The following THSD7A variants were observed in gnomAD, a reference collection of about 807,000 sequenced individuals.
The protein encoded by THSD7A is thrombospondin type 1 domain containing 7A, also known as thrombospondin type-1 domain-containing protein 7A.
A neutral mutation model predicts 231.3 loss-of-function variants in THSD7A; 96 were observed. The ratio of observed to expected loss-of-function variants is 0.41; its 90% CI spans 0.35 to 0.49. THSD7A has a LOEUF of 0.49. Among genes scored for constraint, THSD7A ranks in the 20% least tolerant of loss-of-function variants. The pLI is 0.05. For missense variants in THSD7A, 2,290 were observed against 2,070.2 expected (o/e 1.11, Z -2.06); for synonymous variants, 940 against 743.3 (o/e 1.26, Z -4.30).
intron 26 of THSD7A, 185 bp downstream of exon 26, chr7:11,378,885 C>T (rs1302033982): frequency 1.6e-6 from 1 of 607,016 alleles, no homozygotes; most frequent in East Asian, 2.9e-5. Flanking sequence ...CTCTGAACTT[C>T]AAACATGAGT....
intron 1 of THSD7A, among the ~76,000 whole-genome samples, chr7:11,638,515 A>T (rs2128361927): frequency 2.0e-5 from 3 of 152,346 alleles, no homozygotes; most frequent in Middle Eastern, 6.8e-3. Context: ...GAATTTCCTT[A>T]CAAATGGCAT....
intron 6 of THSD7A, among the ~76,000 whole-genome samples, chr7:11,491,966 T>C (rs1786911716): frequency 1.3e-5 from 2 of 152,054 alleles, no homozygotes; most frequent in African/African-American, 4.8e-5. Flanking sequence ...TGAGGGGTCT[T>C]CACACTTCCA....
At chr7:11,529,927 C>T (rs547483843) in intron 6 of THSD7A, among the ~76,000 whole-genome samples, 184 of 152,282 alleles carry the variant, frequency 1.2e-3, no homozygotes, top group Non-Finnish European at 2.0e-3. Context: ...ACACTAGGAA[C>T]AATTCCTAGC....
intron 1 of THSD7A, among the ~76,000 whole-genome samples, chr7:11,789,188 A>T (rs1288281336): frequency 6.6e-6 from 1 of 151,988 alleles, no homozygotes; most frequent in Non-Finnish European, 1.5e-5. Flanking sequence ...ATTGAACAAC[A>T]TGAAGGCCAG....
intron 6 of THSD7A, among the ~76,000 whole-genome samples, chr7:11,514,566 A>G (rs965953308): frequency 6.6e-6 from 1 of 152,162 alleles, no homozygotes; most frequent in Non-Finnish European, 1.5e-5. Context: ...TTTCAATTTT[A>G]TGAGTAAATT....
At chr7:11,473,662 C>T (rs1264056095) in intron 8 of THSD7A, among the ~76,000 whole-genome samples, 5 of 152,044 alleles carry the variant, frequency 3.3e-5, no homozygotes, top group Non-Finnish European at 7.4e-5. Context: ...TTTGTTTATA[C>T]TTCTCACAAG....
chr7:11,552,489 C>G (rs1397106636), intron 4 of THSD7A, among the ~76,000 whole-genome samples: 1 of 151,836 alleles, frequency 6.6e-6, no homozygotes, highest in Non-Finnish European at 1.5e-5. Flanking sequence ...AAATTTTGAG[C>G]TACAAAAAGG....
chr7:11,533,731 G>T (rs1788799273), intron 6 of THSD7A, among the ~76,000 whole-genome samples: 1 of 152,132 alleles, frequency 6.6e-6, no homozygotes. Context: ...ACCAGGGCCT[G>T]TCGGGTGTGG....
chr7:11,799,360 T>C (rs926818989), intron 1 of THSD7A, among the ~76,000 whole-genome samples: 2 of 152,246 alleles, frequency 1.3e-5, no homozygotes, highest in Non-Finnish European at 2.9e-5. Context: ...ATGTTCTTTT[T>C]ATTTGTAATG....
intron 1 of THSD7A, among the ~76,000 whole-genome samples, chr7:11,710,014 C>A (rs1780898416): frequency 6.6e-6 from 1 of 150,798 alleles, no homozygotes; most frequent in South Asian, 2.1e-4. Flanking sequence ...GTCATTATCT[C>A]AAGAATCTTG....
chr7:11,378,115 T>C (rs1782352738), intron 26 of THSD7A: 1 of 152,190 alleles, frequency 6.6e-6, no homozygotes, highest in Admixed American at 6.5e-5. Context: ...CCAATATTTA[T>C]TCTCCAATAA....
chr7:11,726,277 G>T (rs750906832), intron 1 of THSD7A, among the ~76,000 whole-genome samples: 4 of 151,158 alleles, frequency 2.6e-5, no homozygotes, highest in Non-Finnish European at 4.4e-5. Context: ...AATAGAAAAT[G>T]AACCTTTCTA....
At chr7:11,769,145 A>ATTTT (rs1333399771) in intron 1 of THSD7A, among the ~76,000 whole-genome samples, 2 of 36,004 alleles carry the variant, frequency 5.6e-5, no homozygotes, top group African/African-American at 1.7e-4. Context: ...ATATATATAT[A>ATTTT]TATATATATT....
chr7:11,656,084 T>C (rs1028099365), intron 1 of THSD7A, among the ~76,000 whole-genome samples: 4 of 151,838 alleles, frequency 2.6e-5, no homozygotes, highest in Admixed American at 2.0e-4. Flanking sequence ...CACAAAGTTT[T>C]CCCCTCAGGA....
At chr7:11,503,394 G>A (rs1375284696) in intron 6 of THSD7A, among the ~76,000 whole-genome samples, 3 of 152,094 alleles carry the variant, frequency 2.0e-5, no homozygotes, top group Non-Finnish European at 4.4e-5. Context: ...CTTAGACACA[G>A]GAATGGGCAA....
At chr7:11,608,845 G>C (rs907036141) in intron 2 of THSD7A, among the ~76,000 whole-genome samples, 1 of 151,746 alleles carries the variant, frequency 6.6e-6, no homozygotes, top group Non-Finnish European at 1.5e-5. Flanking sequence ...AACAGAATTC[G>C]CCATCTTCCC....
chr7:11,657,713 C>A (rs1018548800), intron 1 of THSD7A, among the ~76,000 whole-genome samples: 1 of 151,724 alleles, frequency 6.6e-6, no homozygotes, highest in Non-Finnish European at 1.5e-5. Flanking sequence ...CAGATAAGAA[C>A]TTTGTCACGT....
At chr7:11,669,035 T>C (rs1424111470) in intron 1 of THSD7A, among the ~76,000 whole-genome samples, 1 of 152,172 alleles carries the variant, frequency 6.6e-6, no homozygotes, top group Non-Finnish European at 1.5e-5. Context: ...AGTCAGTTTC[T>C]CAGTTCAAAC....
At chr7:11,608,623 T>C (rs1295408188) in intron 2 of THSD7A, among the ~76,000 whole-genome samples, 1 of 152,124 alleles carries the variant, frequency 6.6e-6, no homozygotes, top group African/African-American at 2.4e-5. Context: ...TAATTTATAA[T>C]TCGTAAAAAT....
Sources: gnomAD v4.1 joint callset for allele counts (sites outside exome capture counted in the v4.1 genomes callset) on GRCh38, gnomAD v4.1.1 for gene constraint, MANE v1.5 for transcripts, NCBI Gene and HGNC (gene_info 2026-07-23, HGNC 2026-07-21) for gene names.